BAHCC1: variants seen among roughly 807,000 people sequenced by gnomAD.
BAHCC1 encodes BAH and coiled-coil domain-containing protein 1.
BAHCC1 carries 43 observed loss-of-function variants against 88.2 expected under a neutral mutation model. The observed-to-expected ratio is 0.49, with a 90% CI of 0.38 to 0.63. BAHCC1 has a LOEUF of 0.63. BAHCC1 is among the 20% of genes least tolerant of loss of function. The pLI, the probability that BAHCC1 is intolerant of heterozygous loss-of-function variation, is 0.00. For missense variants in BAHCC1, 3,023 were observed against 1,654.8 expected, an observed-to-expected ratio of 1.83 and a Z score of -14.34; for synonymous variants, 1,510 against 745.5, an observed-to-expected ratio of 2.03 and a Z score of -16.71.
intron 10 of BAHCC1, among the ~76,000 whole-genome samples, chr17:81,446,216 G>A (rs1239673661): frequency 4.6e-5 from 7 of 152,160 alleles, no homozygotes; most frequent in African/African-American, 4.8e-5. Context: ...CATAAAACCC[G>A]TCCTAGTTTC....
chr17:81,438,112 C>CAG (rs1555651976), intron 3 of BAHCC1, among the ~76,000 whole-genome samples: 1 of 152,246 alleles, frequency 6.6e-6, no homozygotes, highest in Non-Finnish European at 1.5e-5. Context: ...TAGGAGGGAA[C>CAG]AGAGGCCCCC....
At chr17:81,403,222 C>G (rs531564450) in intron 2 of BAHCC1, among the ~76,000 whole-genome samples, 15 of 152,314 alleles carry the variant, frequency 9.8e-5, no homozygotes, top group African/African-American at 3.6e-4. Context: ...TGGGCCCGCT[C>G]CTGTCCTGGT....
chr17:81,409,356 C>T (rs1463873937), intron 2 of BAHCC1, among the ~76,000 whole-genome samples: 2 of 152,180 alleles, frequency 1.3e-5, no homozygotes, highest in East Asian at 3.8e-4. Flanking sequence ...GGGGGTGGGG[C>T]TCCTGTCCCC....
intron 2 of BAHCC1, chr17:81,401,090 T>A (rs1555645963): frequency 1.3e-5 from 2 of 152,256 alleles, no homozygotes; most frequent in Non-Finnish European, 2.9e-5. Flanking sequence ...TCTGCTTTAA[T>A]GGGATTACAA....
chr17:81,437,375 G>A (rs2064351124), intron 3 of BAHCC1, among the ~76,000 whole-genome samples: 1 of 152,128 alleles, frequency 6.6e-6, no homozygotes, highest in Non-Finnish European at 1.5e-5. Context: ...GAGTCTCAGA[G>A]CTCTGCCAGT....
chr17:81,408,848 G>C (rs2063912853), intron 2 of BAHCC1, among the ~76,000 whole-genome samples: 1 of 152,224 alleles, frequency 6.6e-6, no homozygotes, highest in East Asian at 1.9e-4. Context: ...AGGCTCCTGA[G>C]TCTGGGGGTG....
rs1200474504 is a variant in BAHCC1, at chr17:81,451,820, C to T, written c.4129C>T (p.Arg1377Cys). ...NPCSGPRLTP[R>C]MQILQRKDTW... ...CTGCAGCGGCCCCAGGCTCACCCCC[C>T]GCATGCAGATCCTGCAGCGCAAGGA... Residue 1377 changes from arginine to cysteine, a missense_variant, in exon 12 of 28, where the codon CGC (arginine) becomes TGC (cysteine). Arg to Cys is a radical substitution (Grantham distance 180). Coordinates refer to ENST00000675386, the MANE Select transcript of BAHCC1 (RefSeq NM_001377448.1). 5.3e-6 allele frequency: 4 copies of T among 757,228 alleles called. No individual in the cohort carries two copies. The highest frequency in any genetic ancestry group is 1.7e-5 in the African/African-American group (1 of 58,898). The allele number at this position is 757,228 out of a possible 1,614,324, so 46.9% of individuals were successfully genotyped here.
intron 11 of BAHCC1, chr17:81,451,308 G>A (rs181541669): frequency 2.8e-4 from 67 of 239,406 alleles, no homozygotes; most frequent in Admixed American, 1.6e-4. Flanking sequence ...CAGGGCTGCC[G>A]TTCGAAGCAG....
chr17:81,446,086 C>A (rs62074829), intron 10 of BAHCC1, among the ~76,000 whole-genome samples: 52,148 of 151,510 alleles, frequency 0.34, 9,232 homozygotes, highest in Admixed American at 0.37. Context: ...GGCGGGGTGC[C>A]TGGGTGGGGG....
chr17:81,403,870 C>T (rs2063847798), intron 2 of BAHCC1, among the ~76,000 whole-genome samples: 3 of 152,234 alleles, frequency 2.0e-5, no homozygotes, highest in Admixed American at 6.5e-5. Flanking sequence ...CCCGCCGAAG[C>T]CCTGTTTGGA....
chr17:81,396,396 C>T (rs1445300534), intron 1 of BAHCC1: 2 of 152,146 alleles, frequency 1.3e-5, no homozygotes, highest in Non-Finnish European at 2.9e-5. Flanking sequence ...GGTCACGGCC[C>T]GTGTGGCGGG....
intron 2 of BAHCC1, among the ~76,000 whole-genome samples, chr17:81,424,300 C>G (rs2143380818): frequency 6.6e-6 from 1 of 152,364 alleles, no homozygotes; most frequent in East Asian, 1.9e-4. Flanking sequence ...GGGCCTATGG[C>G]TGGGGCCCCG....
intron 2 of BAHCC1, chr17:81,407,440 C>G (rs2063895489): frequency 5.8e-6 from 3 of 515,238 alleles, no homozygotes; most frequent in South Asian, 4.2e-5. Context: ...TGCTTTCTTC[C>G]CCTGAGACTT....
In BAHCC1 at chr17:81,452,794, C is replaced by T. The variant is rs958194455; in HGVS notation, c.4388C>T (p.Ser1463Leu). Reference sequence around the variant, plus strand: ...CCGAGGAAGCGCAAACACTCAAGCTCGCTGCCTGCCCCACGTCCCACGGGG... The same window carrying T: ...CCGAGGAAGCGCAAACACTCAAGCTTGCTGCCTGCCCCACGTCCCACGGGG... ...GRPRKRKHSS[S>L]LPAPRPTGPL... Residue 1463 changes from serine (S) to leucine (L), a missense_variant, in exon 14 of 28, where the codon TCG (serine) becomes TTG (leucine). Ser to Leu is a moderately radical substitution (Grantham distance 145). Transcript: ENST00000675386. 10 of 739,850 alleles carry T rather than the reference C, an allele frequency of 1.4e-5. No homozygotes were observed. Among genetic ancestry groups the T allele is most frequent in the Admixed American group, 8.0e-5 (4 of 50,098 alleles). 45.8% of individuals were successfully genotyped at this position (739,850 alleles called of 1,614,324 possible).
chr17:81,421,227 C>T (rs545265153), intron 2 of BAHCC1, among the ~76,000 whole-genome samples: 109 of 152,338 alleles, frequency 7.2e-4, no homozygotes, highest in South Asian at 1.7e-3. Flanking sequence ...GCCCTCAGCC[C>T]GGTTCCCGGC....
rs1024571926 is a variant in BAHCC1 at position 81,426,914 on chromosome 17, C to G, written c.293C>G (p.Pro98Arg). ...THPSGPSSSPPEQAYRGSHPT... is the reference protein window; with the variant it reads ...THPSGPSSSPREQAYRGSHPT... The stretch of plus-strand genomic sequence containing the variant: ...CCCAGCGGCCCCAGCTCCTCCCCCC[C>G]TGAGCAGGCCTACCGTGGCTCCCAC... The change falls in exon 3 of 28, where the codon CCT becomes CGT. Residue 98 changes from proline to arginine, a missense_variant. Physicochemically the swap from Pro to Arg is moderately radical, Grantham distance 103. Transcript: ENST00000675386. 15 of 398,966 alleles carry G rather than the reference C, an allele frequency of 3.8e-5. No homozygotes were observed. Among genetic ancestry groups the G allele is most frequent in the Admixed American group, 2.2e-4 (5 of 22,734 alleles). The allele number at this position is 398,966 out of a possible 1,614,324, so 24.7% of individuals were successfully genotyped here.
At chr17:81,417,610 C>G (rs553795591) in intron 2 of BAHCC1, among the ~76,000 whole-genome samples, 1 of 137,240 alleles carries the variant, frequency 7.3e-6, no homozygotes, top group East Asian at 2.3e-4. Context: ...AAGAACCAGA[C>G]TTATATCCGA....
intron 2 of BAHCC1, among the ~76,000 whole-genome samples, chr17:81,424,789 GTGGTTTGTGGTGATAGTGCTGGGTGATA>G (rs2064155591): frequency 6.6e-6 from 1 of 151,946 alleles, no homozygotes; most frequent in African/African-American, 2.4e-5. Context: ...GGTGGGTGAT[GTGGTTTGTGGTGATAGTGCTGGGTGATA>G]TGGTTGGTGA....
chr17:81,444,112 T>G, intron 6 of BAHCC1, 195 bp downstream of exon 6: 2 of 604,142 alleles, frequency 3.3e-6, no homozygotes, highest in Non-Finnish European at 5.9e-6. Context: ...GTTAACCCCT[T>G]GCAGCGGTCA....
Sources: allele counts gnomAD v4.1 joint callset (sites outside exome capture counted in the v4.1 genomes callset), GRCh38; gene constraint gnomAD v4.1.1; transcripts MANE v1.5; gene names NCBI Gene and HGNC (gene_info 2026-07-23, HGNC 2026-07-21).